Variants in CARMIL1 observed in about 807,000 individuals in gnomAD.
CARMIL1 encodes capping protein regulator and myosin 1 linker 1, also known as F-actin-uncapping protein LRRC16A.
Under a neutral mutation model 177.1 loss-of-function variants are expected in CARMIL1, and 90 were observed. That is an observed-to-expected ratio of 0.51 (90% CI 0.43 to 0.61). The LOEUF is 0.61. CARMIL1 is among the 20% of genes least tolerant of loss of function. CARMIL1 has a pLI of 0.00. For synonymous variants in CARMIL1, 577 were observed against 606.2 expected, an observed-to-expected ratio of 0.95 and a Z score of 0.71; for missense variants, 1,380 against 1,667.0, an observed-to-expected ratio of 0.83 and a Z score of 3.00.
intron 2 of CARMIL1, among the ~76,000 whole-genome samples, chr6:25,288,440 C>T (rs1369324401): frequency 1.3e-5 from 2 of 149,518 alleles, no homozygotes; most frequent in African/African-American, 4.9e-5. Context: ...TGGGTTCACA[C>T]TGTTGCTCAG....
At chr6:25,317,687 A>T (rs1000986261) in intron 2 of CARMIL1, among the ~76,000 whole-genome samples, 2 of 150,366 alleles carry the variant, frequency 1.3e-5, no homozygotes, top group African/African-American at 4.9e-5. Context: ...CATTCTCCTG[A>T]CTAGGACTAC....
intron 5 of CARMIL1, among the ~76,000 whole-genome samples, chr6:25,439,366 C>T (rs1297114762): frequency 6.6e-6 from 1 of 152,100 alleles, no homozygotes; most frequent in Non-Finnish European, 1.5e-5. Context: ...AGGTGAGTGC[C>T]ATTGAGCACA....
chr6:25,559,484 A>C (rs751810634), intron 29 of CARMIL1, among the ~76,000 whole-genome samples: 1 of 152,220 alleles, frequency 6.6e-6, no homozygotes, highest in Non-Finnish European at 1.5e-5. Flanking sequence ...AAACTATCAG[A>C]AGGGCAAGTA....
Position 25,521,769 on chromosome 6 carries a change from C to CAA in CARMIL1, c.1968+1449_1968+1450dup, listed in dbSNP as rs34016230. On this transcript the variant is annotated intron_variant, in intron 23 of 36. Coordinates refer to ENST00000329474, the MANE Select transcript of CARMIL1 (RefSeq NM_017640.6). The stretch of plus-strand genomic sequence containing the variant: ...TGGCCGACAGAGCGAGATTCCATCT[C>CAA]AAAAAAAAAAAAAAAAAAGAATGTA... Among the ~76,000 whole-genome samples, 187 of 93,934 alleles carry CAA rather than the reference C, an allele frequency of 2.0e-3. 3 individuals are homozygous for CAA. Among genetic ancestry groups the CAA allele is most frequent in the Admixed American group, 6.0e-3 (55 of 9,152 alleles). The allele number at this position is 93,934 out of a possible 152,430, so 61.6% of individuals were successfully genotyped here.
At chr6:25,472,251 T>C (rs1005316839) in intron 10 of CARMIL1, among the ~76,000 whole-genome samples, 176 bp from the exon 11 acceptor site, 2 of 152,294 alleles carry the variant, frequency 1.3e-5, no homozygotes. Flanking sequence ...TTTCTGGCTG[T>C]GGCTTTACAA....
At chr6:25,572,702 C>CAAAAAA (rs35085655) in intron 29 of CARMIL1, among the ~76,000 whole-genome samples, 1 of 53,166 alleles carries the variant, frequency 1.9e-5, no homozygotes, top group Non-Finnish European at 3.4e-5. Context: ...GACCTTGTCT[C>CAAAAAA]AAAAAAAAAA....
At chr6:25,400,746 G>C (rs1165421519) in intron 2 of CARMIL1, among the ~76,000 whole-genome samples, 1 of 152,204 alleles carries the variant, frequency 6.6e-6, no homozygotes, top group African/African-American at 2.4e-5. Flanking sequence ...TCTTAGGGAA[G>C]GTAACTGATA....
chr6:25,318,009 G>A (rs542874717), intron 2 of CARMIL1, among the ~76,000 whole-genome samples: 42 of 152,250 alleles, frequency 2.8e-4, no homozygotes, highest in South Asian at 6.2e-4. Context: ...ACCGTAAAGC[G>A]TATTCAATTT....
chr6:25,528,339 T>G (rs1807376567), intron 23 of CARMIL1, among the ~76,000 whole-genome samples: 1 of 152,216 alleles, frequency 6.6e-6, no homozygotes, highest in Admixed American at 6.5e-5. Flanking sequence ...TAAAGCATTT[T>G]CTAAGTGCTG....
intron 29 of CARMIL1, 54 bp downstream of exon 29, chr6:25,556,904 GTTTTT>G: frequency 4.4e-6 from 5 of 1,129,328 alleles, no homozygotes; most frequent in Non-Finnish European, 6.0e-6. Context: ...CTGTGCCATT[GTTTTT>G]TTTTTTTTTT....
intron 4 of CARMIL1, among the ~76,000 whole-genome samples, chr6:25,430,131 ATGATATAT>A (rs1796618782): frequency 1.3e-5 from 2 of 151,838 alleles, no homozygotes; most frequent in African/African-American, 4.8e-5. Context: ...GGCCTGAGCC[ATGATATAT>A]TATTTTTTTA....
At chr6:25,616,203 G>A (rs888185534) in intron 36 of CARMIL1, among the ~76,000 whole-genome samples, 83 of 152,250 alleles carry the variant, frequency 5.5e-4, no homozygotes, top group African/African-American at 1.8e-3. Context: ...ATAAAAGCAA[G>A]CATTAACTCA....
At chr6:25,293,570 G>A in intron 2 of CARMIL1, among the ~76,000 whole-genome samples, 1 of 151,584 alleles carries the variant, frequency 6.6e-6, no homozygotes, top group East Asian at 1.9e-4. Flanking sequence ...CTAGAGATGG[G>A]GTCTCACTTT....
chr6:25,342,610 CTTT>C lies in CARMIL1; in HGVS notation c.138+57702_138+57704del, dbSNP rs1787057350. Among the ~76,000 whole-genome samples, 13 of 84,606 alleles carry C rather than the reference CTTT, an allele frequency of 1.5e-4. No homozygotes were observed. In the South Asian group the frequency reaches 4.3e-3, roughly 28 times the overall value. The allele number at this position is 84,606 out of a possible 152,430, so 55.5% of individuals were successfully genotyped here. On this transcript the variant is annotated intron_variant, in intron 2 of 36. Coordinates refer to ENST00000329474, the MANE Select transcript of CARMIL1 (RefSeq NM_017640.6). ...GCCTCTTTCTAGTTAGGCTTGAAATCTTTCTTTATTTTATGTACTTATTATTAC... is the reference window on the plus strand; with the variant it reads ...GCCTCTTTCTAGTTAGGCTTGAAATCCTTTATTTTATGTACTTATTATTAC...
chr6:25,615,363 T>C (rs1816816420), intron 36 of CARMIL1, among the ~76,000 whole-genome samples: 1 of 152,250 alleles, frequency 6.6e-6, no homozygotes, highest in African/African-American at 2.4e-5. Flanking sequence ...GCTACTATAT[T>C]GATTTGACAG....
intron 12 of CARMIL1, among the ~76,000 whole-genome samples, chr6:25,485,042 G>T (rs1006535353): frequency 6.6e-6 from 1 of 151,824 alleles, no homozygotes; most frequent in Non-Finnish European, 1.5e-5. Context: ...CTCTTAAAAC[G>T]AAAACAAAAA....
intron 17 of CARMIL1, among the ~76,000 whole-genome samples, chr6:25,505,215 G>A (rs443641): frequency 0.18 from 27,733 of 152,156 alleles, 2,694 homozygotes; most frequent in Middle Eastern, 0.28. Context: ...ATGCAAGACA[G>A]TATTATACTT....
chr6:25,428,259 C>G (rs924015768), intron 4 of CARMIL1, among the ~76,000 whole-genome samples: 1 of 151,960 alleles, frequency 6.6e-6, no homozygotes, highest in Non-Finnish European at 1.5e-5. Context: ...ATTATATTCA[C>G]TTGTTCCAGT....
At chr6:25,474,688 A>G (rs1801381069) in intron 11 of CARMIL1, among the ~76,000 whole-genome samples, 1 of 152,258 alleles carries the variant, frequency 6.6e-6, no homozygotes, top group African/African-American at 2.4e-5. Context: ...TCTCTAGGGT[A>G]TACTCAATTC....
Sources: gnomAD v4.1 joint callset for allele counts (sites outside exome capture counted in the v4.1 genomes callset) on GRCh38, gnomAD v4.1.1 for gene constraint, MANE v1.5 for transcripts, NCBI Gene and HGNC (gene_info 2026-07-23, HGNC 2026-07-21) for gene names.